CCSER1: variants seen among roughly 807,000 people sequenced by gnomAD.
CCSER1 encodes serine-rich coiled-coil domain-containing protein 1.
In CCSER1, 41 loss-of-function variants were observed where a neutral mutation model predicts 82.0. The observed-to-expected ratio is 0.50, with a 90% CI of 0.39 to 0.65. The LOEUF (loss-of-function observed/expected upper bound fraction) is 0.65. Among genes scored for constraint, CCSER1 ranks in the 30% least tolerant of loss-of-function variants. The pLI is 0.00. For missense variants in CCSER1, 1,119 were observed against 1,064.2 expected (o/e 1.05, Z -0.72); for synonymous variants, 414 against 383.9 (o/e 1.08, Z -0.92).
chr4:90,643,930 G>A (rs1416796305), intron 6 of CCSER1, among the ~76,000 whole-genome samples: 1 of 151,956 alleles, frequency 6.6e-6, no homozygotes, highest in Admixed American at 6.6e-5. Context: ...TTTAATTTTA[G>A]TATTAATTCT....
chr4:91,424,054 G>C (rs575531520), intron 10 of CCSER1, among the ~76,000 whole-genome samples: 1 of 114,354 alleles, frequency 8.7e-6, no homozygotes, highest in Non-Finnish European at 1.6e-5. Context: ...CTGTCGCCCA[G>C]GCCGGACTGC....
intron 5 of CCSER1, among the ~76,000 whole-genome samples, chr4:90,591,688 A>G (rs563200368): frequency 6.6e-6 from 1 of 152,312 alleles, no homozygotes; most frequent in East Asian, 1.9e-4. Flanking sequence ...TACTGGGTAT[A>G]CACCCAAAGG....
chr4:90,783,446 G>A (rs1218705903), intron 7 of CCSER1, among the ~76,000 whole-genome samples: 1 of 152,188 alleles, frequency 6.6e-6, no homozygotes, highest in Non-Finnish European at 1.5e-5. Context: ...CTGACTGAAT[G>A]CTGAGTGTGG....
intron 1 of CCSER1, among the ~76,000 whole-genome samples, chr4:90,304,289 C>A (rs1579070843): frequency 6.6e-6 from 1 of 152,274 alleles, no homozygotes. Flanking sequence ...CCAGCCATCC[C>A]ATTACTGGGT....
At chr4:90,349,169 A>G (rs762794539) in intron 3 of CCSER1, among the ~76,000 whole-genome samples, 4 of 152,156 alleles carry the variant, frequency 2.6e-5, no homozygotes, top group Non-Finnish European at 5.9e-5. Context: ...GTAAACAAGT[A>G]TATTGACTTT....
chr4:91,502,753 T>C (rs866530750), intron 10 of CCSER1, among the ~76,000 whole-genome samples: 17 of 152,222 alleles, frequency 1.1e-4, no homozygotes, highest in African/African-American at 4.1e-4. Flanking sequence ...AAAATGAATA[T>C]AGAAAACATA....
chr4:90,754,094 G>A (rs934748509), intron 7 of CCSER1, among the ~76,000 whole-genome samples: 2 of 151,988 alleles, frequency 1.3e-5, no homozygotes, highest in African/African-American at 4.8e-5. Flanking sequence ...TTTCTTCATG[G>A]CACTTATTAT....
intron 9 of CCSER1, among the ~76,000 whole-genome samples, chr4:91,031,268 G>T (rs372479485): frequency 6.6e-6 from 1 of 152,154 alleles, no homozygotes; most frequent in Admixed American, 6.6e-5. Context: ...AATTTATTAG[G>T]TTATCTTGGG....
chr4:90,531,004 A>C (rs1485672997), intron 5 of CCSER1, among the ~76,000 whole-genome samples: 1 of 152,164 alleles, frequency 6.6e-6, no homozygotes. Flanking sequence ...TTAAAAACAG[A>C]TTTGTTGAGT....
intron 10 of CCSER1, among the ~76,000 whole-genome samples, chr4:91,220,389 T>C (rs1241082568): frequency 6.6e-6 from 1 of 152,246 alleles, no homozygotes; most frequent in African/African-American, 2.4e-5. Flanking sequence ...TGAACAATCA[T>C]ATAGTTAATG....
intron 5 of CCSER1, among the ~76,000 whole-genome samples, chr4:90,601,485 T>C (rs1276489311): frequency 1.3e-5 from 2 of 152,144 alleles, no homozygotes; most frequent in Non-Finnish European, 2.9e-5. Context: ...ATTTGATTAA[T>C]CCTCTCTGAG....
At chr4:91,314,039 A>G (rs963159042) in intron 10 of CCSER1, among the ~76,000 whole-genome samples, 33 of 151,952 alleles carry the variant, frequency 2.2e-4, no homozygotes, top group African/African-American at 7.2e-4. Flanking sequence ...AGATACTTCA[A>G]TGTCAACATC....
At chr4:90,543,787 C>A (rs1776399530) in intron 5 of CCSER1, among the ~76,000 whole-genome samples, 1 of 152,134 alleles carries the variant, frequency 6.6e-6, no homozygotes, top group South Asian at 2.1e-4. Flanking sequence ...TTCAACTGGC[C>A]ATTTGCTCAC....
At chr4:91,125,609 A>G (rs1198769146) in intron 10 of CCSER1, among the ~76,000 whole-genome samples, 1 of 151,764 alleles carries the variant, frequency 6.6e-6, no homozygotes, top group Non-Finnish European at 1.5e-5. Context: ...TACCACACAC[A>G]AAAATTTCAG....
intron 9 of CCSER1, among the ~76,000 whole-genome samples, chr4:90,945,023 C>T (rs933499015): frequency 2.0e-5 from 3 of 152,058 alleles, no homozygotes; most frequent in Non-Finnish European, 1.5e-5. Context: ...GTTTCTCTTC[C>T]GTGTTTTGAA....
chr4:90,457,953 G>T lies in CCSER1; in HGVS notation c.1604-10281G>T, dbSNP rs541805551. 8.5e-5 allele frequency among the ~76,000 whole-genome samples: 13 copies of T among 152,230 alleles called. No individual in the cohort carries two copies. The East Asian group carries it at 2.3e-3, about 27-fold the overall frequency. On this transcript the variant is annotated intron_variant, in intron 4 of 10. Transcript: ENST00000509176. ...TTATCAGCACCCAATGTCCAGAGGG[G>T]CTCGAGACAGCAGGGTTCTGGTGTG...
chr4:90,309,241 G>T lies in CCSER1; in HGVS notation c.957G>T (p.Met319Ile). 1 of 1,613,868 alleles carries T rather than the reference G, an allele frequency of 6.2e-7. No homozygotes were observed. Among genetic ancestry groups the T allele is most frequent in the African/African-American group, 1.3e-5 (1 of 75,026 alleles). The part of the protein sequence containing the change: ...ELTGTVPCAI[M>I]SPGKYRLEGQ... The stretch of plus-strand genomic sequence containing the variant: ...CGGGAACTGTTCCCTGTGCAATTAT[G>T]TCTCCTGGGAAATATAGGTTAGAGG... Residue 319 changes from methionine (M) to isoleucine (I), a missense_variant, in exon 2 of 11, where the codon ATG becomes ATT. Transcript: ENST00000509176.
At chr4:90,894,654 C>A (rs956483439) in intron 8 of CCSER1, among the ~76,000 whole-genome samples, 11 of 151,874 alleles carry the variant, frequency 7.2e-5, no homozygotes, top group African/African-American at 2.7e-4. Flanking sequence ...TTCACCATTT[C>A]TTTCCTCCTC....
intron 1 of CCSER1, among the ~76,000 whole-genome samples, chr4:90,155,990 G>A (rs1435729327): frequency 2.6e-5 from 4 of 152,050 alleles, no homozygotes; most frequent in Non-Finnish European, 4.4e-5. Flanking sequence ...GATCTTTCCT[G>A]CTTCCTCTTG....
Sources: gnomAD v4.1 joint callset for allele counts (sites outside exome capture counted in the v4.1 genomes callset) on GRCh38, gnomAD v4.1.1 for gene constraint, MANE v1.5 for transcripts, NCBI Gene and HGNC (gene_info 2026-07-23, HGNC 2026-07-21) for gene names.